The following DYNC2H1 variants were observed in gnomAD, a reference collection of about 807,000 sequenced individuals.
DYNC2H1 encodes cytoplasmic dynein 2 heavy chain 1.
A neutral mutation model predicts 570.0 loss-of-function variants in DYNC2H1; 410 were observed. That is an observed-to-expected ratio of 0.72 (90% CI 0.66 to 0.78). DYNC2H1 has a LOEUF of 0.78. Ranked by LOEUF, DYNC2H1 falls within the 30% of genes least tolerant of loss-of-function variation. The probability of loss-of-function intolerance (pLI) is 0.00; values close to 1 mark genes in which losing one functional copy is unlikely to be tolerated. For missense variants in DYNC2H1, 4,865 were observed against 5,046.4 expected (o/e 0.96, Z 1.09); for synonymous variants, 1,688 against 1,677.6 (o/e 1.01, Z -0.15).
At chr11:103,358,013 A>G (rs1231321466) in intron 82 of DYNC2H1, among the ~76,000 whole-genome samples, 1 of 152,194 alleles carries the variant, frequency 6.6e-6, no homozygotes, top group Non-Finnish European at 1.5e-5. Context: ...ATAGTATACA[A>G]TTTAAAAATC....
In DYNC2H1 at chr11:103,199,373, G is replaced by A. The variant is rs397514635; in HGVS notation, c.7985G>A (p.Arg2662Gln). The change falls in exon 49 of 89, where the codon CGG becomes CAG. Residue 2662 changes from arginine to glutamine, a missense_variant. This residue lies in a region of DYNC2H1 where 2,401 missense variants were observed against 2,454.6 expected (regional missense o/e 0.98). Coordinates refer to ENST00000375735, the MANE Select transcript of DYNC2H1 (RefSeq NM_001377.3). The surrounding 1 kb of genome is among the most constrained non-coding windows in gnomAD (Gnocchi z 4.6). Reference protein sequence around the residue: ...LLAGRSGVGRRTITSLVSHMH... With the variant: ...LLAGRSGVGRQTITSLVSHMH... ...GCAGGACGCAGTGGTGTAGGTCGTC[G>A]GACCATCACTTCTTTAGTCAGTCAC... is the stretch of plus-strand genomic sequence containing the variant. 18 of 1,612,452 alleles carry A rather than the reference G, an allele frequency of 1.1e-5. No homozygotes were observed. The highest frequency in any genetic ancestry group is 3.3e-5 in the Admixed American group (2 of 59,942).
At position 103,188,512 on chromosome 11, in the gene DYNC2H1, G is replaced by T. The variant is rs1306497806; in HGVS notation, c.7156G>T (p.Gly2386Ter). ...TTTCAAATAGGTATTGACGTATCAA[G>T]GATTTTATGATGAAAATTTGGAATG... ...AFLQQVLTYQ[G>*]FYDENLEWVG... The change falls in exon 44 of 89, where the codon GGA (glycine) becomes TGA (stop). Residue 2386 changes from glycine to a stop codon, truncating the protein, a stop_gained. Transcript: ENST00000375735. LOFTEE classifies it high-confidence loss of function. The T allele has an allele frequency of 1.6e-5, 26 of 1,603,364 alleles. No homozygotes were observed. Among genetic ancestry groups the T allele is most frequent in the Non-Finnish European group, 2.2e-5 (26 of 1,173,030 alleles).
At chr11:103,321,272 G>T in intron 81 of DYNC2H1, 35 bp downstream of exon 81, 1 of 1,529,816 alleles carries the variant, frequency 6.5e-7, no homozygotes. Context: ...TCTATTTCCA[G>T]GTAGATACGT....
At chr11:103,202,226 T>C (rs1448930326) in intron 50 of DYNC2H1, among the ~76,000 whole-genome samples, 1 of 151,942 alleles carries the variant, frequency 6.6e-6, no homozygotes, top group Non-Finnish European at 1.5e-5. Context: ...AATACATTCC[T>C]GCGTATTGCT....
intron 82 of DYNC2H1, among the ~76,000 whole-genome samples, chr11:103,331,240 G>A (rs1348090239): frequency 6.6e-6 from 1 of 152,238 alleles, no homozygotes; most frequent in African/African-American, 2.4e-5. Context: ...AAGGCCAAGT[G>A]TAGGCTGCTA....
rs1942564670 is a variant in DYNC2H1, at chr11:103,399,839, AC to A, written c.12334del (p.Gln4112LysfsTer8). On this transcript the variant is annotated frameshift_variant, in exon 84 of 89. Transcript: ENST00000375735. LOFTEE classifies it high-confidence loss of function. ...GAACTACTTTACTGAGTTCAGAAGT[AC>A]AAAAATTGGCAAGTGCTTTATTAAA... ...RGTTLLSSEV[Q>X]KLASALLNQK... 1 of 1,613,732 alleles carries A rather than the reference AC, an allele frequency of 6.2e-7. No homozygotes were observed. Among genetic ancestry groups the A allele is most frequent in the Non-Finnish European group, 8.5e-7 (1 of 1,179,796 alleles).
rs902741736 is a variant in DYNC2H1, at chr11:103,334,862, C to A, written c.12039+10872C>A. On this transcript the variant is annotated intron_variant, in intron 82 of 88. Transcript: ENST00000375735. The surrounding 1 kb of genome is among the most constrained non-coding windows in gnomAD (Gnocchi z 4.3). The stretch of plus-strand genomic sequence containing the variant: ...TGCTGTGGAGTAATCTTTCCACATG[C>A]TGCAGAGAGAAGGGTATTTTCTAGT... 5.9e-5 allele frequency among the ~76,000 whole-genome samples: 9 copies of A among 152,082 alleles called. No homozygotes were observed. The highest frequency in any genetic ancestry group is 2.2e-4 in the African/African-American group (9 of 41,430).
rs1364863348 is a variant in DYNC2H1 at position 103,363,249 on chromosome 11, C to T, written c.12156+4890C>T. 6.6e-6 allele frequency among the ~76,000 whole-genome samples: 1 copy of T among 151,932 alleles called. No homozygotes were observed. Among genetic ancestry groups the T allele is most frequent in the African/African-American group, 2.4e-5 (1 of 41,356 alleles). ...TTAATTATTTTGAAGTAGTTTTCTC[C>T]AAAACTCAGCTTCTCTCATCTCTCC... On this transcript the variant is annotated intron_variant, in intron 83 of 88. Transcript: ENST00000375735. The surrounding 1 kb of genome is among the most constrained non-coding windows in gnomAD (Gnocchi z 5.6).
chr11:103,236,427 C>T lies in DYNC2H1; in HGVS notation c.9710-3C>T, dbSNP rs754742328. On this transcript the variant is annotated splice_polypyrimidine_tract_variant and splice_region_variant and intron_variant, in intron 62 of 88. Coordinates refer to ENST00000375735, the MANE Select transcript of DYNC2H1 (RefSeq NM_001377.3). ...AGTATTATCAATATCTTCAACTTTT[C>T]AGAATTTGATCTGAGGAGATTTCTT... 6.4e-7 allele frequency: 1 copy of T among 1,558,614 alleles called. No individual in the cohort carries two copies. The highest frequency in any genetic ancestry group is 1.1e-5 in the South Asian group (1 of 89,728).
Position 103,245,097 on chromosome 11 carries a change from T to A in DYNC2H1, c.9919-154T>A, listed in dbSNP as rs1340636413. Among the ~76,000 whole-genome samples, 1 of 152,060 alleles carries A rather than the reference T, an allele frequency of 6.6e-6. No homozygotes were observed. The highest frequency in any genetic ancestry group is 2.4e-5 in the African/African-American group (1 of 41,430). ...ATTCTGAACATAAGCAGAGTAGGGT[T>A]CTTATTAATACTTGGGTGAGTAATT... On this transcript the variant is annotated intron_variant, in intron 64 of 88. Coordinates refer to ENST00000375735, the MANE Select transcript of DYNC2H1 (RefSeq NM_001377.3). This position sits in a 1 kb window ranked among gnomAD's most constrained non-coding sequence, Gnocchi z 4.5.
chr11:103,337,030 TA>T (rs1046012016), intron 82 of DYNC2H1, among the ~76,000 whole-genome samples: 6 of 152,306 alleles, frequency 3.9e-5, no homozygotes, highest in Admixed American at 2.6e-4. Flanking sequence ...GTCATGGGTT[TA>T]CCAGAACGAG....
rs1168999752 is a variant in DYNC2H1 at position 103,177,657 on chromosome 11, A to T, written c.5976A>T (p.Leu1992Phe). 1 of 1,613,368 alleles carries T rather than the reference A, an allele frequency of 6.2e-7. No individual in the cohort carries two copies. Among genetic ancestry groups the T allele is most frequent in the Non-Finnish European group, 8.5e-7 (1 of 1,179,694 alleles). The part of the protein sequence containing the change: ...GAGKSTLWRM[L>F]RAALCKTGKV... ...GAAAATCAACGCTTTGGAGAATGTTAAGGGCTGCGCTTTGTAAAACTGGCA... is the reference window on the plus strand; with the variant it reads ...GAAAATCAACGCTTTGGAGAATGTTTAGGGCTGCGCTTTGTAAAACTGGCA... Residue 1992 changes from leucine (L) to phenylalanine (F), a missense_variant, in exon 38 of 89, where the codon TTA becomes TTT. This residue lies in a region of DYNC2H1 where 231 missense variants were observed against 310.3 expected (regional missense o/e 0.74). Transcript: ENST00000375735. The surrounding 1 kb of genome is among the most constrained non-coding windows in gnomAD (Gnocchi z 4.4).
At position 103,153,455 on chromosome 11, in the gene DYNC2H1, A is replaced by G. The variant is rs1860666111; in HGVS notation, c.3249A>G (p.Ile1083Met). The G allele has an allele frequency of 6.4e-7, 1 of 1,567,688 alleles. No individual in the cohort carries two copies. Among genetic ancestry groups the G allele is most frequent in the Non-Finnish European group, 8.6e-7 (1 of 1,157,812 alleles). Residue 1083 changes from isoleucine to methionine, a missense_variant, in exon 22 of 89, where the codon ATA (isoleucine) becomes ATG (methionine). Ile to Met is a conservative substitution (Grantham distance 10). This residue lies in a region of DYNC2H1 where 1,936 missense variants were observed against 1,962.1 expected (regional missense o/e 0.99). Coordinates refer to ENST00000375735, the MANE Select transcript of DYNC2H1 (RefSeq NM_001377.3). ...CTCTTGATAAAAGTGCAAAGTTAAT[A>G]AAAGAGAAAAAAATTGAGTTTGATG... ...HNTLDKSAKL[I>M]KEKKIEFDDL...
intron 47 of DYNC2H1, among the ~76,000 whole-genome samples, chr11:103,196,141 G>T (rs548790195): frequency 5.3e-5 from 8 of 152,252 alleles, no homozygotes; most frequent in African/African-American, 7.2e-5. Flanking sequence ...TATTGCAGTG[G>T]TGTGGCACAA....
At chr11:103,284,207 T>C (rs1014245518) in intron 73 of DYNC2H1, among the ~76,000 whole-genome samples, 1 of 152,206 alleles carries the variant, frequency 6.6e-6, no homozygotes, top group Admixed American at 6.5e-5. Context: ...ATATTTCCTC[T>C]TAGTAATTTT....
At chr11:103,315,572 T>A (rs1937776608) in intron 79 of DYNC2H1, among the ~76,000 whole-genome samples, 1 of 152,098 alleles carries the variant, frequency 6.6e-6, no homozygotes, top group Non-Finnish European at 1.5e-5. Flanking sequence ...TCTGTTAGTT[T>A]TATTTTCCTA....
chr11:103,456,432 C>A, intron 87 of DYNC2H1, 76 bp downstream of exon 87: 2 of 1,155,380 alleles, frequency 1.7e-6, no homozygotes, highest in Non-Finnish European at 2.5e-6. Flanking sequence ...ATTTTGATCT[C>A]AAAGTGACCT....
At chr11:103,385,557 A>G (rs1479212190) in intron 83 of DYNC2H1, among the ~76,000 whole-genome samples, 1 of 152,200 alleles carries the variant, frequency 6.6e-6, no homozygotes, top group East Asian at 1.9e-4. Context: ...ATCAGAAAGG[A>G]TAATAAAACT....
At chr11:103,450,694 G>A (rs1318936019) in intron 85 of DYNC2H1, among the ~76,000 whole-genome samples, 6 of 152,090 alleles carry the variant, frequency 3.9e-5, no homozygotes, top group South Asian at 2.1e-4. Context: ...AAGAATGATC[G>A]CTTAAATTAC....
Sources: allele counts gnomAD v4.1 joint callset (sites outside exome capture counted in the v4.1 genomes callset), GRCh38; gene constraint gnomAD v4.1.1; regional missense constraint gnomAD v4.1.1; non-coding constraint Gnocchi (gnomAD v3.1); transcripts MANE v1.5; gene names NCBI Gene and HGNC (gene_info 2026-07-23, HGNC 2026-07-21).